The following IL20RA variants were observed in gnomAD, a reference collection of about 807,000 sequenced individuals.
IL20RA encodes interleukin 20 receptor subunit alpha, also known as interleukin-20 receptor subunit alpha.
A neutral mutation model predicts 36.5 loss-of-function variants in IL20RA; 29 were observed. That is an observed-to-expected ratio of 0.79 (90% CI 0.59 to 1.08). The LOEUF (loss-of-function observed/expected upper bound fraction) is 1.08. Among genes scored for constraint, IL20RA ranks in the 50% least tolerant of loss-of-function variants. The pLI, the probability that IL20RA is intolerant of heterozygous loss-of-function variation, is 0.00. For missense variants in IL20RA, 652 were observed against 668.4 expected (o/e 0.98, Z 0.27); for synonymous variants, 279 against 267.1 (o/e 1.04, Z -0.43).
intron 1 of IL20RA, among the ~76,000 whole-genome samples, chr6:137,030,070 GTTTTTTT>G (rs1188809232): frequency 2.5e-4 from 16 of 62,856 alleles, no homozygotes; most frequent in Admixed American, 8.7e-4. Flanking sequence ...CGGTTTGCGG[GTTTTTTT>G]TTTTTTTTTT....
At chr6:137,044,375 C>A in intron 1 of IL20RA, 1 of 1,071,010 alleles carries the variant, frequency 9.3e-7, no homozygotes, top group Non-Finnish European at 1.1e-6. Flanking sequence ...CCCACCCCAC[C>A]TCAATTCTCG....
chr6:137,018,513 CGTGTGTGT>C (rs3842115), intron 1 of IL20RA, among the ~76,000 whole-genome samples: 15 of 142,916 alleles, frequency 1.0e-4, no homozygotes, highest in South Asian at 6.6e-4. Context: ...CTGCCGTGTG[CGTGTGTGT>C]GTGTGTGTGT....
rs1424873608 is a variant in IL20RA at position 137,038,209 on chromosome 6, T to C, written c.88+6432A>G. The C allele has an allele frequency of 7.6e-5, 8 of 105,442 alleles. No homozygotes were observed. In the East Asian group the frequency reaches 1.8e-3, roughly 24 times the overall value. The allele number at this position is 105,442 out of a possible 1,614,324, so 6.5% of individuals were successfully genotyped here. A position where few individuals can be genotyped will look rare whatever the true frequency, so the allele number is the denominator to read the frequency against. On this transcript the variant is annotated intron_variant, in intron 1 of 6. Transcript: ENST00000316649. ...TTCTATAGTTCTTTTGTTCTCCTTT[T>C]TTTTTTTTTTTTTTTTTTTTTTTGA...
Position 137,044,682 on chromosome 6 carries a change from G to A in IL20RA, c.47C>T (p.Pro16Leu), listed in dbSNP as rs1187966063. 6.5e-6 allele frequency: 8 copies of A among 1,223,966 alleles called. No homozygotes were observed. The highest frequency in any genetic ancestry group is 1.6e-5 in the African/African-American group (1 of 62,726). The allele number at this position is 1,223,966 out of a possible 1,614,324, so 75.8% of individuals were successfully genotyped here. The part of the protein sequence containing the change: ...RPALRPLPLP[P>L]LLLLLLAAPW... ...CGCCGCCAGGAGCAACAGCAGCAGC[G>A]GCGGCAGCGGCAGCGGCCGCAGGGC... Residue 16 changes from proline (P) to leucine (L), a missense_variant, in exon 1 of 7, where the codon CCG becomes CTG. Transcript: ENST00000316649.
At chr6:137,013,285 G>A (rs1249505222) in intron 2 of IL20RA, among the ~76,000 whole-genome samples, 1 of 152,164 alleles carries the variant, frequency 6.6e-6, no homozygotes, top group Non-Finnish European at 1.5e-5. Flanking sequence ...TCTGCCAAAG[G>A]CAAGGCAGCT....
rs1191764090 is a variant in IL20RA, at chr6:137,011,312, T to A, written c.365A>T (p.Lys122Ile). ...VKAIWGTKCS[K>I]WAESGRFYPF... Reference sequence around the variant, plus strand: ...ATAGAACCGTCCACTTTCAGCCCATTTGGAACACTTTGTTCCCCAAATGGC... The same window carrying A: ...ATAGAACCGTCCACTTTCAGCCCATATGGAACACTTTGTTCCCCAAATGGC... The change falls in exon 3 of 7, where the codon AAA becomes ATA. Residue 122 changes from lysine (K) to isoleucine (I), a missense_variant. Transcript: ENST00000316649. 1 of 1,613,222 alleles carries A rather than the reference T, an allele frequency of 6.2e-7. No individual in the cohort carries two copies. The highest frequency in any genetic ancestry group is 1.3e-5 in the African/African-American group (1 of 74,896).
chr6:137,037,774 T>C (rs886076721), intron 1 of IL20RA, among the ~76,000 whole-genome samples: 1 of 151,584 alleles, frequency 6.6e-6, no homozygotes, highest in African/African-American at 2.4e-5. Context: ...TCTGGGGAGG[T>C]GGTTTTCTGG....
rs368017267 is a variant in IL20RA, at chr6:137,044,693, C to T, written c.36G>A (p.Leu12=). ...RAPGRPALRP[L]PLPPLLLLLL... ...GCAACAGCAGCAGCGGCGGCAGCGG[C>T]AGCGGCCGCAGGGCCGGGCGGCCGG... Residue 12 remains leucine (L), a synonymous_variant, in exon 1 of 7, where the codon CTG becomes CTA. Transcript: ENST00000316649. The T allele has an allele frequency of 9.8e-6, 12 of 1,224,170 alleles. No homozygotes were observed. The highest frequency in any genetic ancestry group is 7.8e-5 in the African/African-American group (5 of 63,876). 75.8% of individuals were successfully genotyped at this position (1,224,170 alleles called of 1,614,324 possible). A position where few individuals can be genotyped will look rare whatever the true frequency, so the allele number is the denominator to read the frequency against.
chr6:137,008,354 A>G (rs1775345579), intron 5 of IL20RA, among the ~76,000 whole-genome samples: 1 of 152,220 alleles, frequency 6.6e-6, no homozygotes, highest in Non-Finnish European at 1.5e-5. Flanking sequence ...CATGGAAAGA[A>G]GCTGGCAGTG....
chr6:137,009,271 T>C (rs1435902297), intron 4 of IL20RA, 46 bp downstream of exon 4: 11 of 1,474,066 alleles, frequency 7.5e-6, no homozygotes, highest in Non-Finnish European at 1.0e-5. Flanking sequence ...CCACATTAGC[T>C]ACAGAGTGGT....
In IL20RA at chr6:137,009,433, G is replaced by A. The variant is rs1582820163; in HGVS notation, c.463C>T (p.Leu155=). The stretch of plus-strand genomic sequence containing the variant: ...CTCTTCCACTTCTCTGGAGCTGTCA[G>A]GACAACAGAAATGGACTTCTCATCT... ...TTDEKSISVV[L]TAPEKWKRNP... Residue 155 remains leucine (L), a synonymous_variant, in exon 4 of 7, where the codon CTG becomes TTG. Transcript: ENST00000316649. 1.2e-6 allele frequency: 2 copies of A among 1,612,672 alleles called. No homozygotes were observed. The highest frequency in any genetic ancestry group is 1.3e-5 in the African/African-American group (1 of 74,944).
At chr6:137,004,542 A>G in intron 6 of IL20RA, 79 bp downstream of exon 6, 1 of 1,320,170 alleles carries the variant, frequency 7.6e-7, no homozygotes. Flanking sequence ...AGGGAACTGA[A>G]TCTGTTCTAG....
At chr6:137,041,071 CA>C (rs1268481501) in intron 1 of IL20RA, among the ~76,000 whole-genome samples, 1 of 152,160 alleles carries the variant, frequency 6.6e-6, no homozygotes, top group Non-Finnish European at 1.5e-5. Context: ...GCATTTCTGC[CA>C]AAATTGAATA....
At chr6:137,041,818 A>C (rs943401369) in intron 1 of IL20RA, among the ~76,000 whole-genome samples, 1 of 150,366 alleles carries the variant, frequency 6.7e-6, no homozygotes, top group African/African-American at 2.4e-5. Context: ...TTTTTTAAAT[A>C]TATATATATA....
chr6:137,043,783 GTTTT>G (rs1776795844), intron 1 of IL20RA, among the ~76,000 whole-genome samples: 1 of 151,936 alleles, frequency 6.6e-6, no homozygotes, highest in Non-Finnish European at 1.5e-5. Flanking sequence ...CTTTGTTGTT[GTTTT>G]TTAAAATAAT....
chr6:137,001,902 C>T lies in IL20RA; in HGVS notation c.1318G>A (p.Val440Ile), dbSNP rs1272288328. The change falls in exon 7 of 7, where the codon GTC (valine) becomes ATC (isoleucine). Residue 440 changes from valine (V) to isoleucine (I), a missense_variant. Coordinates refer to ENST00000316649, the MANE Select transcript of IL20RA (RefSeq NM_014432.4). ...TACTGTAACGTTTGCGGGCCCAAGA[C>T]TGCCAACGCTGCCTGCGACTCCAAT... Reference protein sequence around the residue: ...TLLESQAALAVLGPQTLQYSY... With the variant: ...TLLESQAALAILGPQTLQYSY... The T allele has an allele frequency of 5.0e-6, 8 of 1,613,926 alleles. No homozygotes were observed. In the South Asian group the frequency reaches 8.8e-5, roughly 18 times the overall value.
chr6:137,041,815 A>AT (rs1562245102), intron 1 of IL20RA, among the ~76,000 whole-genome samples: 1 of 149,112 alleles, frequency 6.7e-6, no homozygotes. Flanking sequence ...TTTTTTTTTA[A>AT]ATATATATAT....
intron 1 of IL20RA, among the ~76,000 whole-genome samples, chr6:137,018,590 A>T (rs578164676): frequency 1.3e-5 from 2 of 151,714 alleles, no homozygotes; most frequent in South Asian, 2.1e-4. Flanking sequence ...CCTGCCCAAC[A>T]TCAGTCTTTG....
intron 1 of IL20RA, among the ~76,000 whole-genome samples, chr6:137,028,496 A>G (rs889316963): frequency 1.3e-5 from 2 of 151,946 alleles, no homozygotes; most frequent in African/African-American, 2.4e-5. Context: ...GGCACAACCC[A>G]TCAATATATA....
Sources: allele counts gnomAD v4.1 joint callset (sites outside exome capture counted in the v4.1 genomes callset), GRCh38; gene constraint gnomAD v4.1.1; transcripts MANE v1.5; gene names NCBI Gene and HGNC (gene_info 2026-07-23, HGNC 2026-07-21).